The following SMARCA2 variants were observed in gnomAD, a reference collection of about 807,000 sequenced individuals.
SMARCA2 encodes the protein SWI/SNF related BAF chromatin remodeling complex subunit ATPase 2.
SMARCA2 carries 61 observed loss-of-function variants against 199.8 expected under a neutral mutation model. The ratio of observed to expected loss-of-function variants is 0.31; its 90% CI spans 0.25 to 0.38. The LOEUF is 0.38. Among genes scored for constraint, SMARCA2 ranks in the 10% least tolerant of loss-of-function variants. The pLI, the probability that SMARCA2 is intolerant of heterozygous loss-of-function variation, is 1.00. For missense variants in SMARCA2, 1,344 were observed against 2,012.2 expected, an observed-to-expected ratio of 0.67 and a Z score of 6.35; for synonymous variants, 935 against 732.0, an observed-to-expected ratio of 1.28 and a Z score of -4.48.
chr9:2,100,044 G>A (rs990857057), intron 21 of SMARCA2, among the ~76,000 whole-genome samples: 1 of 152,158 alleles, frequency 6.6e-6, no homozygotes, highest in African/African-American at 2.4e-5. Flanking sequence ...TGAGAGTACT[G>A]TTGAGCCCAG....
Position 2,104,312 on chromosome 9 carries a change from A to C in SMARCA2, c.3292+143A>C. ...ATTGGGAGCAGTTTTTCTAGATAGC[A>C]ATTTTTTGCATCCTTAAGCTTTAAA... On this transcript the variant is annotated intron_variant, in intron 23 of 33. Coordinates refer to ENST00000349721, the MANE Select transcript of SMARCA2 (RefSeq NM_003070.5). The surrounding 1 kb of genome is among the most constrained non-coding windows in gnomAD (Gnocchi z 4.0). 2 of 690,314 alleles carry C rather than the reference A, an allele frequency of 2.9e-6. No homozygotes were observed. The highest frequency in any genetic ancestry group is 4.7e-6 in the Non-Finnish European group (2 of 424,086). 42.8% of individuals were successfully genotyped at this position (690,314 alleles called of 1,614,324 possible).
chr9:2,135,089 G>T (rs1824135691), intron 27 of SMARCA2, among the ~76,000 whole-genome samples: 1 of 152,160 alleles, frequency 6.6e-6, no homozygotes, highest in African/African-American at 2.4e-5. Flanking sequence ...GAAAGCCAAT[G>T]GTATAATTGA....
chr9:2,150,090 A>T (rs1313977688), intron 27 of SMARCA2, among the ~76,000 whole-genome samples: 1 of 151,588 alleles, frequency 6.6e-6, no homozygotes, highest in Non-Finnish European at 1.5e-5. Flanking sequence ...ATTGCTAACC[A>T]AATACTTGTG....
chr9:2,042,837 G>C (rs1033728191), intron 4 of SMARCA2: 8 of 152,128 alleles, frequency 5.3e-5, no homozygotes, highest in African/African-American at 1.7e-4. Flanking sequence ...GTGGAAAGGA[G>C]ACGTGAATGA....
chr9:2,070,531 C>A, intron 10 of SMARCA2, 60 bp downstream of exon 10: 1 of 1,253,140 alleles, frequency 8.0e-7, no homozygotes, highest in Non-Finnish European at 1.2e-6. Flanking sequence ...CCATACCTGG[C>A]AGCACCATTC....
intron 9 of SMARCA2, among the ~76,000 whole-genome samples, chr9:2,067,437 C>A (rs1165874919): frequency 6.6e-6 from 1 of 152,188 alleles, no homozygotes; most frequent in Non-Finnish European, 1.5e-5. Flanking sequence ...AATGCGACAG[C>A]CAGTCTTAAT....
At chr9:2,033,173 T>A in intron 3 of SMARCA2, 92 bp downstream of exon 3, 5 of 1,442,402 alleles carry the variant, frequency 3.5e-6, no homozygotes, top group Non-Finnish European at 4.7e-6. Context: ...CCAAAGAATG[T>A]GTCTAAGGAA....
chr9:2,167,249 C>G (rs965693904), intron 28 of SMARCA2, among the ~76,000 whole-genome samples: 1 of 152,244 alleles, frequency 6.6e-6, no homozygotes, highest in African/African-American at 2.4e-5. Flanking sequence ...TTTCTATCAA[C>G]TCTCTTATCA....
intron 27 of SMARCA2, among the ~76,000 whole-genome samples, chr9:2,153,842 T>C (rs1586762044): frequency 6.6e-6 from 1 of 152,198 alleles, no homozygotes; most frequent in East Asian, 1.9e-4. Context: ...GAGAGAGATC[T>C]TTGCTGGAAG....
At chr9:2,117,030 A>C (rs1019726268) in intron 25 of SMARCA2, among the ~76,000 whole-genome samples, 3 of 152,236 alleles carry the variant, frequency 2.0e-5, no homozygotes, top group African/African-American at 7.2e-5. Context: ...TCCTCAACTT[A>C]CAATGGTGTT....
At chr9:2,192,436 G>T in intron 33 of SMARCA2, 1 of 442,284 alleles carries the variant, frequency 2.3e-6, no homozygotes, top group Non-Finnish European at 4.0e-6. Flanking sequence ...GAAAATATTA[G>T]CCATAAACCT....
At chr9:2,067,212 C>T (rs940966212) in intron 9 of SMARCA2, among the ~76,000 whole-genome samples, 3 of 152,230 alleles carry the variant, frequency 2.0e-5, no homozygotes, top group Non-Finnish European at 2.9e-5. Context: ...TTATGACTTG[C>T]AAATGTATTG....
In SMARCA2 at chr9:2,039,776, A is replaced by AG. The variant is rs1819505148; in HGVS notation, c.666_667insG (p.Gln223AlafsTer36). Reference sequence around the variant, plus strand: ...GCTTGCAGCAACAACAGCAGCAGCAACAGCAGCAGCAGCAGCAGCAGCAGC... The same window carrying AG: ...GCTTGCAGCAACAACAGCAGCAGCAAGCAGCAGCAGCAGCAGCAGCAGCAGC... On this transcript the variant is annotated frameshift_variant, in exon 4 of 34. Transcript: ENST00000349721. LOFTEE classifies it high-confidence loss of function. The surrounding 1 kb of genome is among the most constrained non-coding windows in gnomAD (Gnocchi z 4.8). 213 of 1,596,284 alleles carry AG rather than the reference A, an allele frequency of 1.3e-4. No homozygotes were observed. The highest frequency in any genetic ancestry group is 1.0e-3 in the African/African-American group (77 of 73,678).
In SMARCA2 at chr9:2,039,131, G is replaced by GA. The variant is rs763787528; in HGVS notation, c.356-328dup. 5.9e-5 allele frequency among the ~76,000 whole-genome samples: 9 copies of GA among 151,472 alleles called. No homozygotes were observed. The highest frequency in any genetic ancestry group is 3.9e-4 in the East Asian group (2 of 5,186). ...TTAGTGGATTTCAAAGACTTAATAT[G>GA]AAAAAAAGAATGTAGAATGTCTCAT... On this transcript the variant is annotated intron_variant, in intron 3 of 33. Coordinates refer to ENST00000349721, the MANE Select transcript of SMARCA2 (RefSeq NM_003070.5). The surrounding 1 kb of genome is among the most constrained non-coding windows in gnomAD (Gnocchi z 4.8).
At chr9:2,122,070 A>G (rs1467440873) in intron 26 of SMARCA2, among the ~76,000 whole-genome samples, 2 of 152,240 alleles carry the variant, frequency 1.3e-5, no homozygotes, top group African/African-American at 4.8e-5. Context: ...TGCAGTTATT[A>G]AGACTTTAAG....
intron 27 of SMARCA2, among the ~76,000 whole-genome samples, chr9:2,149,511 C>A (rs113429324): frequency 6.6e-6 from 1 of 151,558 alleles, no homozygotes; most frequent in African/African-American, 2.4e-5. Flanking sequence ...CAGAGTGAGA[C>A]TCCTCAAAAA....
intron 1 of SMARCA2, among the ~76,000 whole-genome samples, chr9:2,024,904 A>G (rs1818759835): frequency 6.6e-6 from 1 of 152,178 alleles, no homozygotes; most frequent in Admixed American, 6.5e-5. Flanking sequence ...AATTATTAGG[A>G]AACACATGTA....
At chr9:2,075,775 A>G (rs542651969) in intron 12 of SMARCA2, among the ~76,000 whole-genome samples, 1 of 152,302 alleles carries the variant, frequency 6.6e-6, no homozygotes, top group Non-Finnish European at 1.5e-5. Context: ...CTCCTGCCTC[A>G]GCCCCCCGAG....
chr9:2,170,542 C>A lies in SMARCA2; in HGVS notation c.4253+70C>A. 3.7e-6 allele frequency: 6 copies of A among 1,610,830 alleles called. No individual in the cohort carries two copies. In the Admixed American group the frequency reaches 8.4e-5, roughly 22 times the overall value. On this transcript the variant is annotated intron_variant, in intron 29 of 33. Coordinates refer to ENST00000349721, the MANE Select transcript of SMARCA2 (RefSeq NM_003070.5). This position sits in a 1 kb window ranked among gnomAD's most constrained non-coding sequence, Gnocchi z 4.7. ...CCTCGTTACGTGAAACAGATTGAAT[C>A]ATATAATCGGCCTTTGGAAGCAAAT...
Sources: gnomAD v4.1 joint callset for allele counts (sites outside exome capture counted in the v4.1 genomes callset) on GRCh38, gnomAD v4.1.1 for gene constraint, Gnocchi (gnomAD v3.1) non-coding constraint, MANE v1.5 for transcripts, NCBI Gene and HGNC (gene_info 2026-07-23, HGNC 2026-07-21) for gene names.